UGT1A5: variants seen among roughly 807,000 people sequenced by gnomAD.
UGT1A5 encodes UDP glucuronosyltransferase family 1 member A5, also known as UDP-glucuronosyltransferase 1A5.
UGT1A5 carries 29 observed loss-of-function variants against 40.3 expected under a neutral mutation model. That is an observed-to-expected ratio of 0.72 (90% confidence interval 0.54 to 0.98). The LOEUF is 0.98. Among genes scored for constraint, UGT1A5 ranks in the 50% least tolerant of loss-of-function variants. The pLI is 0.00. For missense variants in UGT1A5, 678 were observed against 677.9 expected (o/e 1.00, Z 0.00); for synonymous variants, 257 against 262.5 (o/e 0.98, Z 0.20).
rs189902631 is a variant in UGT1A5, at chr2:233,721,408, A to T, written c.867+7550A>T. ...CATTTTTCTAGCTATGTGACCTAGG[A>T]CAGGTACCCTAAGCATTGTGGTTTT... is the stretch of plus-strand genomic sequence containing the variant. On this transcript the variant is annotated intron_variant, in intron 1 of 4. Coordinates refer to ENST00000373414, the MANE Select transcript of UGT1A5 (RefSeq NM_019078.2). 676 of 155,018 alleles carry T rather than the reference A, an allele frequency of 4.4e-3. 10 individuals are homozygous for T. The highest frequency in any genetic ancestry group is 0.015 in the African/African-American group (639 of 41,588). 9.6% of individuals were successfully genotyped at this position (155,018 alleles called of 1,614,324 possible).
At chr2:233,715,294 C>T (rs2076444307) in intron 1 of UGT1A5, among the ~76,000 whole-genome samples, 1 of 152,122 alleles carries the variant, frequency 6.6e-6, no homozygotes, top group South Asian at 2.1e-4. Context: ...TATATTTTGG[C>T]TCTTGAATAG....
Position 233,773,005 on chromosome 2 carries a change from C to A in UGT1A5, c.*446C>A. ...GTCAGTCCTCATCTCTGTCGTGCTT[C>A]ATAGGTGCCACCTTGTGTGTTTAAA... On this transcript the variant is annotated 3_prime_UTR_variant, in exon 5 of 5. Transcript: ENST00000373414. 4.6e-6 allele frequency: 1 copy of A among 219,060 alleles called. No individual in the cohort carries two copies. 13.6% of individuals were successfully genotyped at this position (219,060 alleles called of 1,614,324 possible).
Position 233,747,172 on chromosome 2 carries a change from C to A in UGT1A5, c.868-19862C>A. 9 of 1,596,738 alleles carry A rather than the reference C, an allele frequency of 5.6e-6. No homozygotes were observed. The South Asian group carries it at 1.0e-4, about 18-fold the overall frequency. On this transcript the variant is annotated intron_variant, in intron 1 of 4. Transcript: ENST00000373414. Reference sequence around the variant, plus strand: ...ATGAAGAAAACAAATGTAGGAGGCACAGCGTGGGGTGGACAGTCAGCTGTC... The same window carrying A: ...ATGAAGAAAACAAATGTAGGAGGCAAAGCGTGGGGTGGACAGTCAGCTGTC...
At chr2:233,758,789 A>G (rs1481427299) in intron 1 of UGT1A5, among the ~76,000 whole-genome samples, 3 of 152,222 alleles carry the variant, frequency 2.0e-5, no homozygotes, top group Admixed American at 6.5e-5. Context: ...CTGTGCAGTT[A>G]TCTTGGAATT....
At chr2:233,756,789 G>A (rs1696325268) in intron 1 of UGT1A5, among the ~76,000 whole-genome samples, 1 of 151,900 alleles carries the variant, frequency 6.6e-6, no homozygotes, top group Admixed American at 6.6e-5. Context: ...AAATTGTGGG[G>A]CAATACACTA....
In UGT1A5 at chr2:233,740,213, C is replaced by G. The variant is rs984335401; in HGVS notation, c.867+26355C>G. On this transcript the variant is annotated intron_variant, in intron 1 of 4. Coordinates refer to ENST00000373414, the MANE Select transcript of UGT1A5 (RefSeq NM_019078.2). Reference sequence around the variant, plus strand: ...CTTTCTTTTATAAATTACCCAGTCTCAGCTGCGTCTTTATAGCAGGCTGAG... The same window carrying G: ...CTTTCTTTTATAAATTACCCAGTCTGAGCTGCGTCTTTATAGCAGGCTGAG... Among the ~76,000 whole-genome samples the G allele has an allele frequency of 9.6e-4, 146 of 151,922 alleles. 3 individuals are homozygous for G. Among genetic ancestry groups the G allele is most frequent in the African/African-American group, 3.4e-3 (142 of 41,200 alleles).
At chr2:233,746,289 G>C (rs1163006960) in intron 1 of UGT1A5, among the ~76,000 whole-genome samples, 3 of 151,692 alleles carry the variant, frequency 2.0e-5, no homozygotes, top group Admixed American at 2.0e-4. Context: ...AAGGAAGGTG[G>C]CTTTGTTTCC....
rs1481234082 is a variant in UGT1A5 at position 233,745,697 on chromosome 2, C to T, written c.868-21337C>T. Among the ~76,000 whole-genome samples the T allele has an allele frequency of 4.1e-5, 6 of 147,560 alleles. 1 individual carries two copies. Among genetic ancestry groups the T allele is most frequent in the East Asian group, 2.0e-4 (1 of 4,980 alleles). ...GGAACATCAAAGCAAGTTTGGAGAA[C>T]AACAAGTGATCCAGAATGGCTGGAG... is the stretch of plus-strand genomic sequence containing the variant. On this transcript the variant is annotated intron_variant, in intron 1 of 4. Coordinates refer to ENST00000373414, the MANE Select transcript of UGT1A5 (RefSeq NM_019078.2).
At chr2:233,756,909 C>T (rs1190068817) in intron 1 of UGT1A5, among the ~76,000 whole-genome samples, 1 of 152,062 alleles carries the variant, frequency 6.6e-6, no homozygotes, top group East Asian at 1.9e-4. Context: ...GAACAAACTT[C>T]TGAGTTTATA....
intron 1 of UGT1A5, among the ~76,000 whole-genome samples, chr2:233,724,317 G>A (rs1449472256): frequency 4.8e-4 from 64 of 132,596 alleles, no homozygotes; most frequent in East Asian, 1.3e-3. Flanking sequence ...CCCGGACGGG[G>A]CGGCTGGCCA....
At chr2:233,749,926 G>T (rs946076967) in intron 1 of UGT1A5, among the ~76,000 whole-genome samples, 1 of 151,912 alleles carries the variant, frequency 6.6e-6, no homozygotes, top group African/African-American at 2.4e-5. Flanking sequence ...GTCAATTAAA[G>T]CTCTTTCCTT....
At chr2:233,715,771 C>CA (rs1328948750) in intron 1 of UGT1A5, among the ~76,000 whole-genome samples, 2 of 151,962 alleles carry the variant, frequency 1.3e-5, no homozygotes, top group East Asian at 3.9e-4. Context: ...GGACCCATCT[C>CA]AAAAAAATAA....
At chr2:233,743,680 G>T in intron 1 of UGT1A5, 1 of 1,367,218 alleles carries the variant, frequency 7.3e-7, no homozygotes, top group South Asian at 1.1e-5. Context: ...AGGGCCTGCC[G>T]CCTGTGCAGC....
chr2:233,742,455 G>T (rs1191068486), intron 1 of UGT1A5, among the ~76,000 whole-genome samples: 6 of 151,916 alleles, frequency 3.9e-5, no homozygotes, highest in African/African-American at 1.5e-4. Context: ...GGTGTTCCTT[G>T]CCCTTATTCC....
At chr2:233,768,066 C>A in intron 3 of UGT1A5, 130 bp downstream of exon 3, 1 of 1,597,468 alleles carries the variant, frequency 6.3e-7, no homozygotes, top group Non-Finnish European at 8.5e-7. Context: ...TGCTTTTTAT[C>A]TAGTGGGGTA....
Position 233,769,415 on chromosome 2 carries a change from G to A in UGT1A5, c.1307+976G>A. On this transcript the variant is annotated intron_variant, in intron 4 of 4. Coordinates refer to ENST00000373414, the MANE Select transcript of UGT1A5 (RefSeq NM_019078.2). This position sits in a 1 kb window ranked among gnomAD's most constrained non-coding sequence, Gnocchi z 4.4. Reference sequence around the variant, plus strand: ...TGTGTGCATATGTGCGTGTGCGTTTGTGCATGTGGCTGTGCTCATGTGTGG... The same window carrying A: ...TGTGTGCATATGTGCGTGTGCGTTTATGCATGTGGCTGTGCTCATGTGTGG... The A allele has an allele frequency of 1.4e-6, 2 of 1,401,966 alleles. No homozygotes were observed. Among genetic ancestry groups the A allele is most frequent in the Non-Finnish European group, 2.0e-6 (2 of 1,003,386 alleles). The allele number at this position is 1,401,966 out of a possible 1,614,324, so 86.8% of individuals were successfully genotyped here.
Position 233,713,177 on chromosome 2 carries a change from C to G in UGT1A5, c.186C>G (p.Thr62=). ...HARGHQVVVL[T]LEVNMYIKEE... is the part of the protein sequence containing the mutation. The stretch of plus-strand genomic sequence containing the variant: ...GAGGCCACCAGGTGGTGGTCCTCAC[C>G]CTGGAGGTGAATATGTACATCAAAG... Residue 62 remains threonine (T), a synonymous_variant, in exon 1 of 5, where the codon ACC becomes ACG. Coordinates refer to ENST00000373414, the MANE Select transcript of UGT1A5 (RefSeq NM_019078.2). 6.2e-7 allele frequency: 1 copy of G among 1,614,182 alleles called. No homozygotes were observed. The highest frequency in any genetic ancestry group is 8.5e-7 in the Non-Finnish European group (1 of 1,180,030).
chr2:233,768,267 GT>G lies in UGT1A5; in HGVS notation c.1138del (p.Tyr380MetfsTer11). Reference protein sequence around the residue: ...AFITHAGSHGVYESICNGVPM... With the variant: ...AFITHAGSHGXYESICNGVPM... The stretch of plus-strand genomic sequence containing the variant: ...TATCACCCATGCTGGTTCCCATGGT[GT>G]TTATGAAAGCATATGCAATGGCGTT... On this transcript the variant is annotated frameshift_variant, in exon 4 of 5. Coordinates refer to ENST00000373414, the MANE Select transcript of UGT1A5 (RefSeq NM_019078.2). LOFTEE classifies it high-confidence loss of function. 6.2e-7 allele frequency: 1 copy of G among 1,614,160 alleles called. No homozygotes were observed. The highest frequency in any genetic ancestry group is 8.5e-7 in the Non-Finnish European group (1 of 1,180,032).
intron 1 of UGT1A5, chr2:233,729,582 C>A (rs143068136): frequency 2.2e-4 from 355 of 1,613,964 alleles, no homozygotes; most frequent in Middle Eastern, 3.3e-4. Context: ...TTTTAACAGA[C>A]CCCGTTAACC....
Sources: gnomAD v4.1 joint callset for allele counts (sites outside exome capture counted in the v4.1 genomes callset) on GRCh38, gnomAD v4.1.1 for gene constraint, Gnocchi (gnomAD v3.1) non-coding constraint, MANE v1.5 for transcripts, NCBI Gene and HGNC (gene_info 2026-07-23, HGNC 2026-07-21) for gene names.